TADA2A: variants seen among roughly 807,000 people sequenced by gnomAD.
The protein encoded by TADA2A is transcriptional adapter 2-alpha.
Under a neutral mutation model 67.4 loss-of-function variants are expected in TADA2A, and 38 were observed. The observed-to-expected ratio is 0.56, with a 90% CI of 0.44 to 0.74. The LOEUF is 0.74. TADA2A is among the 30% of genes least tolerant of loss of function. The pLI, the probability that TADA2A is intolerant of heterozygous loss-of-function variation, is 0.00. For missense variants in TADA2A, 454 were observed against 547.0 expected (o/e 0.83, Z 1.70); for synonymous variants, 192 against 181.6 (o/e 1.06, Z -0.46).
At chr17:37,464,676 C>CT (rs896521619) in intron 10 of TADA2A, among the ~76,000 whole-genome samples, 5 of 150,994 alleles carry the variant, frequency 3.3e-5, no homozygotes, top group Non-Finnish European at 7.4e-5. Context: ...CTCGTCTCTA[C>CT]TAAAATACAA....
At chr17:37,408,929 G>A (rs751651903) in intron 1 of TADA2A, among the ~76,000 whole-genome samples, 1 of 152,060 alleles carries the variant, frequency 6.6e-6, no homozygotes, top group African/African-American at 2.4e-5. Flanking sequence ...AAAATTACCA[G>A]GGTGAAAAAA....
Position 37,420,698 on chromosome 17 carries a change from A to G in TADA2A, c.26-2811A>G, listed in dbSNP as rs60790532. Among the ~76,000 whole-genome samples the G allele has an allele frequency of 7.7e-3, 1,132 of 146,422 alleles. 86 individuals are homozygous for G. The highest frequency in any genetic ancestry group is 0.026 in the African/African-American group (1,050 of 40,568). On this transcript the variant is annotated intron_variant, in intron 2 of 15. Coordinates refer to ENST00000615182, the MANE Select transcript of TADA2A (RefSeq NM_001166105.3). ...TTGAGCCACCGTGCCTACTCTCTCT[A>G]TCTTCTTAAAAACAAATAAAGAGAA...
chr17:37,431,825 C>T (rs1250483494), intron 4 of TADA2A, among the ~76,000 whole-genome samples: 1 of 152,116 alleles, frequency 6.6e-6, no homozygotes, highest in South Asian at 2.1e-4. Flanking sequence ...CTCGGCCACC[C>T]AAAGTGCTGG....
chr17:37,434,141 G>A (rs1178691184), intron 4 of TADA2A, among the ~76,000 whole-genome samples: 1 of 152,112 alleles, frequency 6.6e-6, no homozygotes, highest in Admixed American at 6.5e-5. Context: ...GATTTTCCTT[G>A]TTCATGACCT....
At chr17:37,442,704 T>C (rs2052958678) in intron 7 of TADA2A, 52 bp downstream of exon 7, 1 of 1,543,450 alleles carries the variant, frequency 6.5e-7, no homozygotes, top group Non-Finnish European at 8.9e-7. Flanking sequence ...TTTTTGTTTC[T>C]CATGAGCCTT....
At chr17:37,423,726 ATTCCTTCCAAT>A in intron 3 of TADA2A, 111 bp downstream of exon 3, 1 of 734,136 alleles carries the variant, frequency 1.4e-6, no homozygotes, top group Non-Finnish European at 2.1e-6. Context: ...TATTAAATCT[ATTCCTTCCAAT>A]TTTTCTTTTT....
rs761471503 is a variant in TADA2A at position 37,470,463 on chromosome 17, T to C, written c.959T>C (p.Leu320Pro). The C allele has an allele frequency of 9.9e-6, 16 of 1,612,340 alleles. No individual in the cohort carries two copies. The Admixed American group carries it at 2.5e-4, about 25-fold the overall frequency. Reference protein sequence around the residue: ...REEERLKRTMLSEVLQYIQDS... With the variant: ...REEERLKRTMPSEVLQYIQDS... ...GAAGAGCGCCTTAAACGCACTATGC[T>C]CTCAGAAGTTCTCCAGTATATCCAG... is the stretch of plus-strand genomic sequence containing the variant. Residue 320 changes from leucine (L) to proline (P), a missense_variant, in exon 13 of 16, where the codon CTC (leucine) becomes CCC (proline). By Grantham distance (98) the Leu-to-Pro change is moderately conservative. This residue lies in a region of TADA2A where 403 missense variants were observed against 455.5 expected (regional missense o/e 0.88). Coordinates refer to ENST00000615182, the MANE Select transcript of TADA2A (RefSeq NM_001166105.3).
At chr17:37,444,797 C>G (rs375152788) in intron 8 of TADA2A, 29 bp downstream of exon 8, 1 of 1,593,818 alleles carries the variant, frequency 6.3e-7, no homozygotes, top group South Asian at 1.1e-5. Context: ...AAATGTTTAT[C>G]GAGCGCCAAC....
Position 37,443,842 on chromosome 17 carries a change from T to C in TADA2A, c.532-854T>C, listed in dbSNP as rs560325177. 7.4e-4 allele frequency among the ~76,000 whole-genome samples: 112 copies of C among 152,294 alleles called. 1 individual carries two copies. Among genetic ancestry groups the C allele is most frequent in the Non-Finnish European group, 1.2e-3 (82 of 68,048 alleles). ...ATATCCACAAGTATATAAAGAATGA[T>C]GAATGTGTATAAAAACTATATGTTC... On this transcript the variant is annotated intron_variant, in intron 7 of 15. Transcript: ENST00000615182.
chr17:37,422,323 C>T (rs1253581119), intron 2 of TADA2A, among the ~76,000 whole-genome samples: 5 of 150,400 alleles, frequency 3.3e-5, no homozygotes, highest in African/African-American at 1.2e-4. Flanking sequence ...GGATTACAGG[C>T]ATGAGCCACC....
At chr17:37,450,753 A>G (rs2053210137) in intron 8 of TADA2A, 1 of 152,272 alleles carries the variant, frequency 6.6e-6, no homozygotes, top group Admixed American at 6.5e-5. Context: ...AGTGATTCTC[A>G]TTCTTGTAGA....
intron 12 of TADA2A, among the ~76,000 whole-genome samples, chr17:37,468,792 GT>G (rs1190016506): frequency 6.6e-6 from 1 of 152,036 alleles, no homozygotes; most frequent in Non-Finnish European, 1.5e-5. Context: ...AGTTTCTGTT[GT>G]TTTGCTGTCA....
chr17:37,473,703 G>A (rs1413680732), intron 14 of TADA2A, among the ~76,000 whole-genome samples: 1 of 152,314 alleles, frequency 6.6e-6, no homozygotes, highest in South Asian at 2.1e-4. Flanking sequence ...CTCCTGGCCA[G>A]TGACCTCCTA....
intron 15 of TADA2A, among the ~76,000 whole-genome samples, chr17:37,476,192 A>G (rs2053889339): frequency 6.6e-6 from 1 of 152,128 alleles, no homozygotes; most frequent in Non-Finnish European, 1.5e-5. Flanking sequence ...AGCTTTTTTT[A>G]TCCTTACCCA....
chr17:37,415,389 A>G (rs1338725693), intron 2 of TADA2A, among the ~76,000 whole-genome samples: 49 of 152,200 alleles, frequency 3.2e-4, no homozygotes, highest in Non-Finnish European at 1.2e-4. Context: ...TATTATTCAA[A>G]TAATTGCTTA....
At chr17:37,411,642 C>G (rs146856503) in intron 2 of TADA2A, among the ~76,000 whole-genome samples, 75 of 151,926 alleles carry the variant, frequency 4.9e-4, no homozygotes, top group African/African-American at 1.5e-3. Context: ...GTTGGCCAGA[C>G]TGGTCTTGAA....
chr17:37,422,956 T>C (rs1161433412), intron 2 of TADA2A, among the ~76,000 whole-genome samples: 1 of 152,202 alleles, frequency 6.6e-6, no homozygotes, highest in Non-Finnish European at 1.5e-5. Flanking sequence ...AATGTGTTTG[T>C]GACTGGGCAT....
chr17:37,423,118 C>T (rs996334873), intron 2 of TADA2A, among the ~76,000 whole-genome samples: 4 of 152,140 alleles, frequency 2.6e-5, no homozygotes, highest in Non-Finnish European at 5.9e-5. Flanking sequence ...GTAGTCCTAA[C>T]TACTTGGGAG....
chr17:37,426,471 C>T (rs62071217), intron 3 of TADA2A: 1 of 151,774 alleles, frequency 6.6e-6, no homozygotes, highest in East Asian at 1.9e-4. Flanking sequence ...AGTTCGAGGC[C>T]AGCCTGGCCA....
Sources: allele counts gnomAD v4.1 joint callset (sites outside exome capture counted in the v4.1 genomes callset), GRCh38; gene constraint gnomAD v4.1.1; regional missense constraint gnomAD v4.1.1; transcripts MANE v1.5; gene names NCBI Gene and HGNC (gene_info 2026-07-23, HGNC 2026-07-21).